INMT: variants seen among roughly 807,000 people sequenced by gnomAD.
INMT encodes indolethylamine N-methyltransferase, also known as amine N-methyltransferase.
INMT carries 11 observed loss-of-function variants against 11.5 expected under a neutral mutation model. The ratio of observed to expected loss-of-function variants is 0.95; its 90% CI spans 0.60 to 1.58. INMT has a LOEUF of 1.58. Among genes scored for constraint, INMT ranks in the 40% most tolerant of loss-of-function variants. INMT has a pLI of 0.00. For missense variants in INMT, 316 were observed against 336.1 expected, an observed-to-expected ratio of 0.94 and a Z score of 0.47; for synonymous variants, 155 against 142.9, an observed-to-expected ratio of 1.08 and a Z score of -0.60.
In INMT at chr7:30,756,356, C is replaced by T. The variant is rs1786245233; in HGVS notation, c.*505C>T. The T allele has an allele frequency of 3.3e-6, 1 of 300,228 alleles. No homozygotes were observed. The highest frequency in any genetic ancestry group is 4.9e-6 in the Non-Finnish European group (1 of 204,834). 18.6% of individuals were successfully genotyped at this position (300,228 alleles called of 1,614,324 possible). On this transcript the variant is annotated 3_prime_UTR_variant, in exon 3 of 3. Transcript: ENST00000013222. ...GTTGACGCCATTCTCCTGCCTCAGC[C>T]TCCCGAGTAGCTGGGACTACAGGAG...
intron 1 of INMT, among the ~76,000 whole-genome samples, chr7:30,752,975 T>C (rs1048597839): frequency 1.3e-5 from 2 of 152,180 alleles, no homozygotes; most frequent in Non-Finnish European, 1.5e-5. Flanking sequence ...GTGAGTCTCC[T>C]GGTGGTCTGT....
In INMT at chr7:30,754,010, T is replaced by TCAGAAG; in HGVS notation, c.362+72_362+73insCAGAAG. The TCAGAAG allele has an allele frequency of 6.7e-7, 1 of 1,488,514 alleles. No homozygotes were observed. Among genetic ancestry groups the TCAGAAG allele is most frequent in the Non-Finnish European group, 9.3e-7 (1 of 1,081,002 alleles). 92.2% of individuals were successfully genotyped at this position (1,488,514 alleles called of 1,614,324 possible). On this transcript the variant is annotated intron_variant, in intron 2 of 2. Transcript: ENST00000013222. The surrounding 1 kb of genome is among the most constrained non-coding windows in gnomAD (Gnocchi z 4.9). ...CTCAGAAGTCTCCCTGGCCTCTTTG[T>TCAGAAG]TGTCTCTGACATTTTCAGGACAGTA...
intron 1 of INMT, 36 bp downstream of exon 1, chr7:30,752,340 T>G: frequency 6.4e-7 from 1 of 1,570,020 alleles, no homozygotes; most frequent in Non-Finnish European, 8.8e-7. Context: ...TGAGCCTCTC[T>G]CCAAGGAACC....
chr7:30,756,192 A>G lies in INMT; in HGVS notation c.*341A>G. The G allele has an allele frequency of 9.4e-7, 1 of 1,061,724 alleles. No homozygotes were observed. Among genetic ancestry groups the G allele is most frequent in the African/African-American group, 1.6e-5 (1 of 60,684 alleles). 65.8% of individuals were successfully genotyped at this position (1,061,724 alleles called of 1,614,324 possible). A position where few individuals can be genotyped will look rare whatever the true frequency, so the allele number is the denominator to read the frequency against. On this transcript the variant is annotated 3_prime_UTR_variant, in exon 3 of 3. Transcript: ENST00000013222. The stretch of plus-strand genomic sequence containing the variant: ...ACAAGGAAACCTCTGAGTCTACCTA[A>G]TATGTTAAGGACAAGGAAACCTCTG...
chr7:30,755,620 C>T lies in INMT; in HGVS notation c.561C>T (p.Leu187=). The T allele has an allele frequency of 6.2e-7, 1 of 1,614,246 alleles. No homozygotes were observed. The highest frequency in any genetic ancestry group is 8.5e-7 in the Non-Finnish European group (1 of 1,180,048). ...RAALCNLASL[L]KPGGHLVTTV... ...CCCTGTGCAACCTTGCCTCACTGCTCAAGCCGGGTGGCCACCTGGTGACCA... is the reference window on the plus strand; with the variant it reads ...CCCTGTGCAACCTTGCCTCACTGCTTAAGCCGGGTGGCCACCTGGTGACCA... Residue 187 remains leucine, a synonymous_variant, in exon 3 of 3, where the codon CTC becomes CTT. Transcript: ENST00000013222.
At position 30,753,764 on chromosome 7, in the gene INMT, G is replaced by A. The variant is rs764592912; in HGVS notation, c.188G>A (p.Gly63Asp). The A allele has an allele frequency of 6.2e-7, 1 of 1,614,182 alleles. No homozygotes were observed. The highest frequency in any genetic ancestry group is 8.5e-7 in the Non-Finnish European group (1 of 1,180,034). ...CAAGGGGACACGCTGATTGACATTG[G>A]CTCAGGTCCTACCATCTACCAAGTT... ...GLQGDTLIDI[G>D]SGPTIYQVLA... Residue 63 changes from glycine (G) to aspartate (D), a missense_variant, in exon 2 of 3, where the codon GGC becomes GAC. Coordinates refer to ENST00000013222, the MANE Select transcript of INMT (RefSeq NM_006774.5).
At chr7:30,753,558 T>C (rs972650798) in intron 1 of INMT, among the ~76,000 whole-genome samples, 173 bp from the exon 2 acceptor site, 4 of 152,208 alleles carry the variant, frequency 2.6e-5, no homozygotes, top group Admixed American at 2.0e-4. Context: ...AAATGGAAAT[T>C]AACACATATA....
Position 30,756,202 on chromosome 7 carries a change from G to A in INMT, c.*351G>A, listed in dbSNP as rs1355304252. 198 of 1,044,938 alleles carry A rather than the reference G, an allele frequency of 1.9e-4. No homozygotes were observed. Among genetic ancestry groups the A allele is most frequent in the Non-Finnish European group, 2.2e-4 (191 of 866,824 alleles). 64.7% of individuals were successfully genotyped at this position (1,044,938 alleles called of 1,614,324 possible). A position where few individuals can be genotyped will look rare whatever the true frequency, so the allele number is the denominator to read the frequency against. Reference sequence around the variant, plus strand: ...CTCTGAGTCTACCTAATATGTTAAGGACAAGGAAACCTCTGGACAGTGGTA... The same window carrying A: ...CTCTGAGTCTACCTAATATGTTAAGAACAAGGAAACCTCTGGACAGTGGTA... On this transcript the variant is annotated 3_prime_UTR_variant, in exon 3 of 3. Transcript: ENST00000013222.
In INMT at chr7:30,754,080, T is replaced by A; in HGVS notation, c.362+142T>A. ...CAGATGTCCTGTGGTGGGGATAGAGTAGATGGAATCCCAAGTTTCAGGATT... is the reference window on the plus strand; with the variant it reads ...CAGATGTCCTGTGGTGGGGATAGAGAAGATGGAATCCCAAGTTTCAGGATT... On this transcript the variant is annotated intron_variant, in intron 2 of 2. Coordinates refer to ENST00000013222, the MANE Select transcript of INMT (RefSeq NM_006774.5). The surrounding 1 kb of genome is among the most constrained non-coding windows in gnomAD (Gnocchi z 4.9). 1.3e-6 allele frequency: 1 copy of A among 797,234 alleles called. No individual in the cohort carries two copies. Among genetic ancestry groups the A allele is most frequent in the Non-Finnish European group, 2.0e-6 (1 of 502,900 alleles). 49.4% of individuals were successfully genotyped at this position (797,234 alleles called of 1,614,324 possible).
In INMT at chr7:30,755,813, G is replaced by A; in HGVS notation, c.754G>A (p.Val252Ile). The A allele has an allele frequency of 6.2e-7, 1 of 1,613,480 alleles. No individual in the cohort carries two copies. The highest frequency in any genetic ancestry group is 8.5e-7 in the Non-Finnish European group (1 of 1,179,526). ...TGTCACCAATGCTGCCAACAATGGG[G>A]TCTGCTTCATTGTGGCTCGCAAGAA... ...YSVTNAANNG[V>I]CFIVARKKPG... Residue 252 changes from valine (V) to isoleucine (I), a missense_variant, in exon 3 of 3, where the codon GTC (valine) becomes ATC (isoleucine). Val to Ile is a conservative substitution (Grantham distance 29, BLOSUM62 3). Coordinates refer to ENST00000013222, the MANE Select transcript of INMT (RefSeq NM_006774.5).
At position 30,755,627 on chromosome 7, in the gene INMT, G is replaced by A. The variant is rs1415703455; in HGVS notation, c.568G>A (p.Gly190Ser). 1.2e-6 allele frequency: 2 copies of A among 1,614,212 alleles called. No homozygotes were observed. The highest frequency in any genetic ancestry group is 2.2e-5 in the East Asian group (1 of 44,890). Residue 190 changes from glycine to serine, a missense_variant, in exon 3 of 3, where the codon GGT becomes AGT. Gly to Ser is a moderately conservative substitution (Grantham distance 56). Transcript: ENST00000013222. ...CAACCTTGCCTCACTGCTCAAGCCG[G>A]GTGGCCACCTGGTGACCACTGTCAC... ...LCNLASLLKP[G>S]GHLVTTVTLR... is the part of the protein sequence containing the mutation.
Position 30,755,548 on chromosome 7 carries a change from G to A in INMT, c.489G>A (p.Leu163=), listed in dbSNP as rs778371139. ...VLPLADCVLT[L]LAMECACCSL... is the part of the protein sequence containing the mutation. The stretch of plus-strand genomic sequence containing the variant: ...CTCTCGCCGACTGTGTGCTCACCCT[G>A]CTGGCCATGGAGTGTGCCTGCTGTA... The change falls in exon 3 of 3, where the codon CTG becomes CTA. Residue 163 remains leucine, a synonymous_variant. Coordinates refer to ENST00000013222, the MANE Select transcript of INMT (RefSeq NM_006774.5). 3.1e-6 allele frequency: 5 copies of A among 1,612,672 alleles called. No homozygotes were observed. The Admixed American group carries it at 5.0e-5, about 16-fold the overall frequency.
intron 2 of INMT, 57 bp from the exon 3 acceptor site, chr7:30,755,365 T>C: frequency 2.8e-6 from 4 of 1,438,776 alleles, no homozygotes; most frequent in Non-Finnish European, 3.7e-6. Flanking sequence ...CACAGTGGAC[T>C]GAGAGTTCCC....
At chr7:30,753,670 C>A in intron 1 of INMT, 61 bp from the exon 2 acceptor site, 1 of 1,481,670 alleles carries the variant, frequency 6.7e-7, no homozygotes, top group Non-Finnish European at 9.4e-7. Context: ...GTCCTCATCC[C>A]TGTGTCTGCC....
rs1419931626 is a variant in INMT, at chr7:30,756,120, T to C, written c.*269T>C. 1.6e-6 allele frequency: 2 copies of C among 1,250,586 alleles called. No homozygotes were observed. Among genetic ancestry groups the C allele is most frequent in the Non-Finnish European group, 2.0e-6 (2 of 994,612 alleles). The allele number at this position is 1,250,586 out of a possible 1,614,324, so 77.5% of individuals were successfully genotyped here. On this transcript the variant is annotated 3_prime_UTR_variant, in exon 3 of 3. Transcript: ENST00000013222. ...ATGCGATCTGACTCCTGTGTGACTGTGGAGCACCCAGGGACGTGGTTTTAG... is the reference window on the plus strand; with the variant it reads ...ATGCGATCTGACTCCTGTGTGACTGCGGAGCACCCAGGGACGTGGTTTTAG...
Position 30,752,316 on chromosome 7 carries a change from G to A in INMT, c.154+12G>A, listed in dbSNP as rs1251678807. On this transcript the variant is annotated intron_variant, in intron 1 of 2. Coordinates refer to ENST00000013222, the MANE Select transcript of INMT (RefSeq NM_006774.5). ...GACCTTCGGCCCTGGTGAGCAGAGG[G>A]TGGCCCTTCCCCTTGAGCCTCTCTC... 2 of 1,610,128 alleles carry A rather than the reference G, an allele frequency of 1.2e-6. No homozygotes were observed. The highest frequency in any genetic ancestry group is 2.7e-5 in the African/African-American group (2 of 74,834).
In INMT at chr7:30,754,157, T is replaced by C. The variant is rs963928378; in HGVS notation, c.362+219T>C. On this transcript the variant is annotated intron_variant, in intron 2 of 2. Coordinates refer to ENST00000013222, the MANE Select transcript of INMT (RefSeq NM_006774.5). This position sits in a 1 kb window ranked among gnomAD's most constrained non-coding sequence, Gnocchi z 4.9. ...ATCACAGGACTATGTTGAGGTGTGA[T>C]ATAGTCAAGTATGAACACTGAAAAC... 6.6e-6 allele frequency among the ~76,000 whole-genome samples: 1 copy of C among 152,234 alleles called. No individual in the cohort carries two copies. Among genetic ancestry groups the C allele is most frequent in the Non-Finnish European group, 1.5e-5 (1 of 68,046 alleles).
intron 1 of INMT, among the ~76,000 whole-genome samples, chr7:30,752,529 C>A (rs574297635): frequency 7.9e-5 from 12 of 152,094 alleles, no homozygotes; most frequent in Non-Finnish European, 1.5e-4. Flanking sequence ...AGCACAGCCC[C>A]GTGCAGTTCC....
intron 1 of INMT, among the ~76,000 whole-genome samples, chr7:30,753,254 A>C (rs1266419218): frequency 6.6e-6 from 1 of 152,108 alleles, no homozygotes; most frequent in Non-Finnish European, 1.5e-5. Flanking sequence ...CCTCCAAGGA[A>C]CAAGAAACCC....
Sources: gnomAD v4.1 joint callset for allele counts (sites outside exome capture counted in the v4.1 genomes callset) on GRCh38, gnomAD v4.1.1 for gene constraint, Gnocchi (gnomAD v3.1) non-coding constraint, MANE v1.5 for transcripts, NCBI Gene and HGNC (gene_info 2026-07-23, HGNC 2026-07-21) for gene names.